The following RBL1 variants were observed in gnomAD, a reference collection of about 807,000 sequenced individuals.
RBL1 encodes retinoblastoma-like protein 1.
In RBL1, 82 loss-of-function variants were observed where a neutral mutation model predicts 123.0. The observed-to-expected ratio is 0.67, with a 90% confidence interval of 0.56 to 0.80. The LOEUF is 0.80. RBL1 is among the 30% of genes least tolerant of loss of function. RBL1 has a pLI of 0.00. For missense variants in RBL1, 1,171 were observed against 1,299.6 expected, an observed-to-expected ratio of 0.90 and a Z score of 1.52; for synonymous variants, 405 against 441.3, an observed-to-expected ratio of 0.92 and a Z score of 1.03.
At chr20:37,060,206 A>C (rs991540207) in intron 9 of RBL1, among the ~76,000 whole-genome samples, 1 of 151,540 alleles carries the variant, frequency 6.6e-6, no homozygotes, top group Non-Finnish European at 1.5e-5. Flanking sequence ...ATAAATAAAT[A>C]AATAAATCCA....
intron 1 of RBL1, 23 bp from the exon 2 acceptor site, chr20:37,089,145 C>A: frequency 6.3e-7 from 1 of 1,575,264 alleles, no homozygotes; most frequent in Non-Finnish European, 8.6e-7. Context: ...AGACAAACAG[C>A]AAAACAGGTA....
rs1166280802 is a variant in RBL1, at chr20:37,032,963, A to C, written c.2171-87T>G. 8 of 1,507,624 alleles carry C rather than the reference A, an allele frequency of 5.3e-6. No individual in the cohort carries two copies. The East Asian group carries it at 1.9e-4, about 36-fold the overall frequency. 93.4% of individuals were successfully genotyped at this position (1,507,624 alleles called of 1,614,324 possible). ...TATATTTTGACAATTATATATACAT[A>C]TATCTGTGTGTATAAGAAGGCTACA... On this transcript the variant is annotated intron_variant, in intron 15 of 21. Transcript: ENST00000373664.
chr20:36,996,777 A>T lies in RBL1; in HGVS notation c.*1982T>A, dbSNP rs1237804288. 1 of 152,226 alleles carries T rather than the reference A, an allele frequency of 6.6e-6. No homozygotes were observed. Among genetic ancestry groups the T allele is most frequent in the Non-Finnish European group, 1.5e-5 (1 of 68,048 alleles). The allele number at this position is 152,226 out of a possible 1,614,324, so 9.4% of individuals were successfully genotyped here. The stretch of plus-strand genomic sequence containing the variant: ...ACAGTCAATGTACAAATGCTCATTT[A>T]TATTTTGCACAATAATGAAGATAAA... On this transcript the variant is annotated 3_prime_UTR_variant, in exon 22 of 22. Coordinates refer to ENST00000373664, the MANE Select transcript of RBL1 (RefSeq NM_002895.5).
chr20:37,013,009 G>A (rs1420986644), intron 19 of RBL1, among the ~76,000 whole-genome samples: 2 of 152,076 alleles, frequency 1.3e-5, no homozygotes, highest in African/African-American at 2.4e-5. Flanking sequence ...TTGGGGAGGT[G>A]AGGGGCGCCT....
At chr20:37,018,171 A>T in intron 19 of RBL1, 108 bp downstream of exon 19, 11 of 1,219,104 alleles carry the variant, frequency 9.0e-6, no homozygotes, top group East Asian at 3.0e-5. Flanking sequence ...TGCATTGTCC[A>T]CCTCACCTCC....
chr20:37,019,132 C>T (rs974609660), intron 18 of RBL1, among the ~76,000 whole-genome samples: 5 of 151,914 alleles, frequency 3.3e-5, no homozygotes, highest in African/African-American at 1.2e-4. Context: ...TAGCCTTGAC[C>T]TCCTGGGCTC....
At position 37,015,681 on chromosome 20, in the gene RBL1, C is replaced by T. The variant is rs189237735; in HGVS notation, c.2722+2598G>A. On this transcript the variant is annotated intron_variant, in intron 19 of 21. Coordinates refer to ENST00000373664, the MANE Select transcript of RBL1 (RefSeq NM_002895.5). ...TCCTGACCTCATGATCCACCTGCCT[C>T]GGCCTCCCAAAGTGCTGGGATTACA... 1.8e-3 allele frequency among the ~76,000 whole-genome samples: 280 copies of T among 152,162 alleles called. 1 individual carries two copies. The highest frequency in any genetic ancestry group is 2.9e-3 in the Non-Finnish European group (199 of 68,014).
At chr20:37,087,435 A>T (rs2065567100) in intron 2 of RBL1, among the ~76,000 whole-genome samples, 1 of 152,052 alleles carries the variant, frequency 6.6e-6, no homozygotes, top group Non-Finnish European at 1.5e-5. Context: ...AGATTTAAAA[A>T]TATCAGTCAG....
intron 19 of RBL1, among the ~76,000 whole-genome samples, chr20:37,016,538 C>A (rs1411912202): frequency 2.0e-5 from 3 of 152,082 alleles, no homozygotes; most frequent in Non-Finnish European, 2.9e-5. Flanking sequence ...TAAAAATTTG[C>A]TTTAATTCAT....
At chr20:37,031,441 A>G (rs944800054) in intron 16 of RBL1, among the ~76,000 whole-genome samples, 1 of 152,232 alleles carries the variant, frequency 6.6e-6, no homozygotes, top group Admixed American at 6.5e-5. Context: ...AGCACATGAA[A>G]AGATACTCAA....
intron 2 of RBL1, among the ~76,000 whole-genome samples, chr20:37,081,267 T>C (rs1022680527): frequency 1.3e-4 from 20 of 152,164 alleles, no homozygotes; most frequent in Admixed American, 1.3e-3. Context: ...GATATTGACT[T>C]AAACATGACC....
At position 37,068,197 on chromosome 20, in the gene RBL1, AAAG is replaced by A. The variant is rs762840630; in HGVS notation, c.291-14_291-12del. 5.2e-6 allele frequency: 8 copies of A among 1,540,916 alleles called. No individual in the cohort carries two copies. Among genetic ancestry groups the A allele is most frequent in the African/African-American group, 2.8e-5 (2 of 71,158 alleles). On this transcript the variant is annotated splice_polypyrimidine_tract_variant and intron_variant, in intron 2 of 21. Coordinates refer to ENST00000373664, the MANE Select transcript of RBL1 (RefSeq NM_002895.5). ...AAAAATTGTATTAAACTAAAAAAAA[AAAG>A]GAGGAGAAAAAAGGCACCTTTAAAA... is the stretch of plus-strand genomic sequence containing the variant.
intron 2 of RBL1, among the ~76,000 whole-genome samples, chr20:37,068,542 G>A (rs2065221005): frequency 6.7e-6 from 1 of 149,018 alleles, no homozygotes; most frequent in African/African-American, 2.4e-5. Context: ...AAAAAAAAAA[G>A]TCCTCACTAT....
chr20:37,070,727 C>T (rs1349271688), intron 2 of RBL1, among the ~76,000 whole-genome samples: 2 of 151,480 alleles, frequency 1.3e-5, no homozygotes, highest in Non-Finnish European at 2.9e-5. Context: ...GCAGTGGCAC[C>T]ACCTTGGTTT....
intron 15 of RBL1, among the ~76,000 whole-genome samples, chr20:37,034,095 T>C (rs2064563852): frequency 6.6e-6 from 1 of 151,968 alleles, no homozygotes; most frequent in Non-Finnish European, 1.5e-5. Flanking sequence ...TACATCACCA[T>C]GCCCAGCTAA....
intron 7 of RBL1, among the ~76,000 whole-genome samples, chr20:37,064,812 G>GT (rs1208617114): frequency 1.3e-5 from 2 of 152,072 alleles, no homozygotes; most frequent in African/African-American, 2.4e-5. Flanking sequence ...GTTTCACCAT[G>GT]TTGGCCAGGC....
chr20:37,095,186 T>TAG (rs1850658570), intron 1 of RBL1, among the ~76,000 whole-genome samples: 1 of 152,170 alleles, frequency 6.6e-6, no homozygotes, highest in East Asian at 1.9e-4. Flanking sequence ...GAGATCAGCT[T>TAG]CGTGTGCACA....
chr20:36,999,441 C>T (rs2063927455), intron 21 of RBL1, among the ~76,000 whole-genome samples: 1 of 135,910 alleles, frequency 7.4e-6, no homozygotes, highest in Non-Finnish European at 1.5e-5. Context: ...TCCTCTCCCT[C>T]TCCCTCCTCT....
At chr20:37,095,718 C>A (rs969502582) in intron 1 of RBL1, 55 bp downstream of exon 1, 5 of 1,476,916 alleles carry the variant, frequency 3.4e-6, no homozygotes, top group African/African-American at 2.8e-5. Context: ...AGGGGCGGGG[C>A]AGGGGTGGGG....
Sources: allele counts gnomAD v4.1 joint callset (sites outside exome capture counted in the v4.1 genomes callset), GRCh38; gene constraint gnomAD v4.1.1; transcripts MANE v1.5; gene names NCBI Gene and HGNC (gene_info 2026-07-23, HGNC 2026-07-21).